Variants in POC1B observed in about 807,000 individuals in gnomAD.
POC1B encodes the protein POC1 centriolar protein B.
POC1B carries 44 observed loss-of-function variants against 60.6 expected under a neutral mutation model. The observed-to-expected ratio is 0.73, with a 90% CI of 0.57 to 0.93. The LOEUF (loss-of-function observed/expected upper bound fraction) is 0.93, where lower values mean the gene tolerates loss of function less well. POC1B is among the 40% of genes least tolerant of loss of function. The pLI is 0.00. For synonymous variants in POC1B, 180 were observed against 198.9 expected (o/e 0.90, Z 0.80); for missense variants, 555 against 572.3 (o/e 0.97, Z 0.31).
intron 2 of POC1B, among the ~76,000 whole-genome samples, chr12:89,507,410 G>A (rs1282949485): frequency 3.3e-5 from 5 of 151,574 alleles, no homozygotes; most frequent in Non-Finnish European, 5.9e-5. Flanking sequence ...ATTGATGTCA[G>A]TGTTGTACTG....
At chr12:89,464,489 T>TG (rs1374610771) in intron 9 of POC1B, among the ~76,000 whole-genome samples, 1 of 141,056 alleles carries the variant, frequency 7.1e-6, no homozygotes, top group East Asian at 2.1e-4. Flanking sequence ...AAGAGTTTTT[T>TG]TTTTTTTTTT....
chr12:89,486,908 CACACACAG>C (rs1365802485), intron 4 of POC1B, among the ~76,000 whole-genome samples: 2 of 151,830 alleles, frequency 1.3e-5, no homozygotes, highest in Non-Finnish European at 2.9e-5. Flanking sequence ...CTCTCTCACA[CACACACAG>C]ACACACACAC....
intron 10 of POC1B, among the ~76,000 whole-genome samples, chr12:89,432,501 T>C (rs1881078762): frequency 6.6e-6 from 1 of 151,458 alleles, no homozygotes; most frequent in Admixed American, 6.6e-5. Context: ...TAAATATTTT[T>C]GAGAGGAATG....
chr12:89,507,212 C>A (rs1485949101), intron 2 of POC1B, among the ~76,000 whole-genome samples: 1 of 145,422 alleles, frequency 6.9e-6, no homozygotes, highest in Non-Finnish European at 1.5e-5. Flanking sequence ...CTGTACTGAG[C>A]CACGATTGCG....
chr12:89,491,885 T>C (rs752772655), intron 4 of POC1B, 51 bp downstream of exon 4: 4 of 1,403,274 alleles, frequency 2.9e-6, no homozygotes, highest in Admixed American at 5.3e-5. Flanking sequence ...GGGGCAAACA[T>C]GAAGCAGAAA....
the POC1B span, among the ~76,000 whole-genome samples, chr12:89,402,072 T>C: frequency 1.1e-4 from 16 of 152,308 alleles, no homozygotes; most frequent in East Asian, 2.7e-3. Flanking sequence ...GTAGGAAGCC[T>C]TGGAAGTGGC....
chr12:89,411,547 A>G, the POC1B span, among the ~76,000 whole-genome samples: 1 of 152,226 alleles, frequency 6.6e-6, no homozygotes, highest in African/African-American at 2.4e-5. Context: ...ATTTTTCAGG[A>G]TCACATATGA....
intron 10 of POC1B, among the ~76,000 whole-genome samples, chr12:89,429,812 A>G (rs1428886975): frequency 2.6e-5 from 4 of 152,210 alleles, no homozygotes; most frequent in African/African-American, 9.6e-5. Flanking sequence ...ATGCTTTGGT[A>G]GTTCATAAAA....
chr12:89,460,312 CT>C, intron 9 of POC1B, among the ~76,000 whole-genome samples: 1 of 151,816 alleles, frequency 6.6e-6, no homozygotes, highest in East Asian at 1.9e-4. Flanking sequence ...AGAGTAAGAC[CT>C]TATGGAAAAG....
downstream of POC1B, among the ~76,000 whole-genome samples, chr12:89,417,313 A>G (rs1014323425): frequency 7.2e-5 from 11 of 152,340 alleles, no homozygotes; most frequent in African/African-American, 1.9e-4. Context: ...CATATTTAAC[A>G]AATCAGAACC....
rs748535851 is a variant in POC1B, at chr12:89,497,394, G to C, written c.101-52C>G. 4 of 1,538,344 alleles carry C rather than the reference G, an allele frequency of 2.6e-6. No individual in the cohort carries two copies. In the South Asian group the frequency reaches 4.6e-5, roughly 18 times the overall value. ...ACTGTTTGTTAAAATGCAAACATAG[G>C]TGTGTCTCATTACAATGAGCAGCAT... On this transcript the variant is annotated intron_variant, in intron 2 of 11. Coordinates refer to ENST00000313546, the MANE Select transcript of POC1B (RefSeq NM_172240.3).
At chr12:89,408,220 G>T in the POC1B span, among the ~76,000 whole-genome samples, 1 of 152,058 alleles carries the variant, frequency 6.6e-6, no homozygotes, top group African/African-American at 2.4e-5. Flanking sequence ...TGGGCATTTG[G>T]GTTGGTTCCA....
chr12:89,455,205 G>A (rs1390787147), intron 10 of POC1B, among the ~76,000 whole-genome samples: 12 of 152,102 alleles, frequency 7.9e-5, no homozygotes, highest in African/African-American at 2.7e-4. Flanking sequence ...CATGATGGCA[G>A]GAGCCTGTAA....
intron 10 of POC1B, among the ~76,000 whole-genome samples, chr12:89,449,270 G>A (rs1174646000): frequency 6.6e-6 from 1 of 152,150 alleles, no homozygotes; most frequent in African/African-American, 2.4e-5. Context: ...TGTGGAATGT[G>A]AGAATCTACA....
intron 10 of POC1B, among the ~76,000 whole-genome samples, chr12:89,449,939 G>C (rs1881973525): frequency 6.6e-6 from 1 of 151,896 alleles, no homozygotes; most frequent in South Asian, 2.1e-4. Flanking sequence ...ACAAATTGAG[G>C]GTACTTTGTT....
chr12:89,446,457 G>A (rs7314591), intron 10 of POC1B, among the ~76,000 whole-genome samples: 75,153 of 151,834 alleles, frequency 0.49, 18,749 homozygotes, highest in East Asian at 0.58. Context: ...TTTTAGGGAC[G>A]TGGATGAAGG....
downstream of POC1B, among the ~76,000 whole-genome samples, chr12:89,415,069 T>A (rs1227491592): frequency 6.6e-6 from 1 of 152,216 alleles, no homozygotes; most frequent in African/African-American, 2.4e-5. Context: ...CACTTTTATT[T>A]AGGATAATTA....
In POC1B at chr12:89,525,444, A is replaced by G; in HGVS notation, c.16-240T>C. 2.2e-6 allele frequency: 3 copies of G among 1,374,012 alleles called. No individual in the cohort carries two copies. The South Asian group carries it at 5.0e-5, about 23-fold the overall frequency. 85.1% of individuals were successfully genotyped at this position (1,374,012 alleles called of 1,614,324 possible). On this transcript the variant is annotated intron_variant, in intron 1 of 11. Transcript: ENST00000313546. The stretch of plus-strand genomic sequence containing the variant: ...GCAAAACGCTCTGTTCGCGCTTCCC[A>G]GAGTCCAGCGCATCGCAGGAACCGC...
chr12:89,413,306 A>G, the POC1B span, among the ~76,000 whole-genome samples: 1 of 152,154 alleles, frequency 6.6e-6, no homozygotes, highest in African/African-American at 2.4e-5. Flanking sequence ...CCTGGGCTCA[A>G]GCAATCCCCC....
Sources: gnomAD v4.1 joint callset for allele counts (sites outside exome capture counted in the v4.1 genomes callset) on GRCh38, gnomAD v4.1.1 for gene constraint, MANE v1.5 for transcripts, NCBI Gene and HGNC (gene_info 2026-07-23, HGNC 2026-07-21) for gene names.